PPA1: variants seen among roughly 807,000 people sequenced by gnomAD.
PPA1 encodes the protein inorganic pyrophosphatase.
Under a neutral mutation model 41.8 loss-of-function variants are expected in PPA1, and 23 were observed. The observed-to-expected ratio is 0.55, with a 90% CI of 0.40 to 0.78. The LOEUF (loss-of-function observed/expected upper bound fraction) is 0.78, where lower values mean the gene tolerates loss of function less well. PPA1 is among the 30% of genes least tolerant of loss of function. PPA1 has a pLI of 0.00. For missense variants in PPA1, 320 were observed against 361.6 expected, an observed-to-expected ratio of 0.89 and a Z score of 0.93; for synonymous variants, 101 against 116.8, an observed-to-expected ratio of 0.86 and a Z score of 0.87.
chr10:70,208,856 G>A (rs145243999), intron 8 of PPA1, among the ~76,000 whole-genome samples: 2,170 of 148,814 alleles, frequency 0.015, 62 homozygotes, highest in African/African-American at 0.051. Flanking sequence ...ACAGTGGTAC[G>A]ATCACGGCTC....
rs747320991 is a variant in PPA1 at position 70,213,474 on chromosome 10, G to T, written c.500C>A (p.Ala167Asp). The stretch of plus-strand genomic sequence containing the variant: ...TCAAATTTTCTTACCATTATAATTG[G>T]CTGCATCAGGATCATCCACATTAAT... Reference protein sequence around the residue: ...IAINVDDPDAANYNDINDVKR... With the variant: ...IAINVDDPDADNYNDINDVKR... Residue 167 changes from alanine (A) to aspartate (D), a missense_variant, in exon 6 of 11, where the codon GCC becomes GAC. Physicochemically the swap from Ala to Asp is moderately radical, Grantham distance 126 (BLOSUM62 -2). Coordinates refer to ENST00000373232, the MANE Select transcript of PPA1 (RefSeq NM_021129.4). 1 of 1,613,718 alleles carries T rather than the reference G, an allele frequency of 6.2e-7. No individual in the cohort carries two copies. Among genetic ancestry groups the T allele is most frequent in the Admixed American group, 1.7e-5 (1 of 60,000 alleles).
At chr10:70,223,091 G>A (rs771370163) in intron 2 of PPA1, among the ~76,000 whole-genome samples, 23 of 152,220 alleles carry the variant, frequency 1.5e-4, no homozygotes, top group Middle Eastern at 6.8e-3. Flanking sequence ...TCAGCCAGGC[G>A]TGGCGACTAA....
At chr10:70,203,250 T>C in intron 10 of PPA1, 64 bp from the exon 11 acceptor site, 1 of 1,363,690 alleles carries the variant, frequency 7.3e-7, no homozygotes. Flanking sequence ...ACACCTAACA[T>C]ATAACAAAGA....
At chr10:70,220,667 AT>A (rs1243069237) in intron 2 of PPA1, among the ~76,000 whole-genome samples, 2 of 4,578 alleles carry the variant, frequency 4.4e-4, no homozygotes, top group Non-Finnish European at 6.1e-4. Context: ...ATTATATATA[AT>A]TTATATATAT....
chr10:70,229,914 G>A (rs1840269940), intron 2 of PPA1, among the ~76,000 whole-genome samples: 1 of 151,704 alleles, frequency 6.6e-6, no homozygotes, highest in South Asian at 2.1e-4. Flanking sequence ...TTTAGTCAAT[G>A]GACCTTTTTT....
chr10:70,226,040 T>G (rs1445927049), intron 2 of PPA1, among the ~76,000 whole-genome samples: 1 of 152,172 alleles, frequency 6.6e-6, no homozygotes, highest in African/African-American at 2.4e-5. Flanking sequence ...AAGACATGAC[T>G]TACACCAACC....
chr10:70,218,441 T>A (rs892507420), intron 3 of PPA1: 1 of 243,658 alleles, frequency 4.1e-6, no homozygotes, highest in African/African-American at 2.3e-5. Flanking sequence ...GAAATTCCAA[T>A]GAGAGTATCT....
intron 4 of PPA1, among the ~76,000 whole-genome samples, chr10:70,217,132 C>T (rs954548592): frequency 3.3e-5 from 5 of 150,440 alleles, no homozygotes; most frequent in African/African-American, 1.2e-4. Context: ...CACTCCAGCC[C>T]GGGTGACAAA....
At chr10:70,233,165 G>A (rs1463730530) in intron 1 of PPA1, 99 bp downstream of exon 1, 1 of 1,318,690 alleles carries the variant, frequency 7.6e-7, no homozygotes, top group Admixed American at 2.9e-5. Flanking sequence ...CCGCGTCGGA[G>A]ACCTGGGGCC....
chr10:70,214,028 C>T lies in PPA1; in HGVS notation c.385-439G>A, dbSNP rs117033389. 9.0e-3 allele frequency among the ~76,000 whole-genome samples: 1,366 copies of T among 152,238 alleles called. 13 individuals carry two copies. The highest frequency in any genetic ancestry group is 0.048 in the East Asian group (247 of 5,184). On this transcript the variant is annotated intron_variant, in intron 5 of 10. Transcript: ENST00000373232. Reference sequence around the variant, plus strand: ...TTTTTAGTTGTTTACTATTTCTCTGCACCTGAGAGAGACATAAAGAAATAA... The same window carrying T: ...TTTTTAGTTGTTTACTATTTCTCTGTACCTGAGAGAGACATAAAGAAATAA...
intron 8 of PPA1, among the ~76,000 whole-genome samples, chr10:70,206,888 AGG>A (rs1589890014): frequency 1.7e-3 from 48 of 27,448 alleles, no homozygotes; most frequent in East Asian, 5.5e-3. Context: ...AGGGGAGGGG[AGG>A]GGAGGGGAGG....
intron 4 of PPA1, among the ~76,000 whole-genome samples, chr10:70,217,598 C>T (rs535438468): frequency 1.3e-4 from 20 of 152,228 alleles, no homozygotes; most frequent in African/African-American, 4.1e-4. Context: ...AAAGAATAAA[C>T]GTTCAAATCT....
rs796297248 is a variant in PPA1 at position 70,220,681 on chromosome 10, A to T, written c.124-1864T>A. On this transcript the variant is annotated intron_variant, in intron 2 of 10. Transcript: ENST00000373232. ...TATTATATATAATTTATATATATAT[A>T]ATATATATAATTTATATATATATAA... is the stretch of plus-strand genomic sequence containing the variant. Among the ~76,000 whole-genome samples, 16 of 2,564 alleles carry T rather than the reference A, an allele frequency of 6.2e-3. 4 individuals carry two copies. The highest frequency in any genetic ancestry group is 0.016 in the African/African-American group (9 of 548). The allele number at this position is 2,564 out of a possible 152,430, so 1.7% of individuals were successfully genotyped here. A position where few individuals can be genotyped will look rare whatever the true frequency, so the allele number is the denominator to read the frequency against.
chr10:70,219,126 C>T (rs184505268), intron 2 of PPA1, among the ~76,000 whole-genome samples: 1 of 152,228 alleles, frequency 6.6e-6, no homozygotes, highest in East Asian at 1.9e-4. Context: ...TGGTCTCAAA[C>T]TCCTGGCCTC....
chr10:70,221,070 A>AT (rs1312105443), intron 2 of PPA1, among the ~76,000 whole-genome samples: 6 of 16,466 alleles, frequency 3.6e-4, no homozygotes, highest in African/African-American at 8.4e-4. Context: ...ATATATATAT[A>AT]TATATATTTT....
At chr10:70,224,923 G>A (rs958287999) in intron 2 of PPA1, among the ~76,000 whole-genome samples, 1 of 149,278 alleles carries the variant, frequency 6.7e-6, no homozygotes, top group Non-Finnish European at 1.5e-5. Context: ...TAGAGACAGG[G>A]TTTCTCCATG....
rs1412438448 is a variant in PPA1 at position 70,218,786 on chromosome 10, C to T, written c.155G>A (p.Arg52His). Residue 52 changes from arginine to histidine, a missense_variant, in exon 3 of 11, where the codon CGC becomes CAC. Coordinates refer to ENST00000373232, the MANE Select transcript of PPA1 (RefSeq NM_021129.4). ...TACCTCCATTTTTGCATTAGACCAGCGTGGTACTTCAACTACCATGTGAAA... is the reference window on the plus strand; with the variant it reads ...TACCTCCATTTTTGCATTAGACCAGTGTGGTACTTCAACTACCATGTGAAA... Reference protein sequence around the residue: ...DVFHMVVEVPRWSNAKMEIAT... With the variant: ...DVFHMVVEVPHWSNAKMEIAT... 3 of 1,612,190 alleles carry T rather than the reference C, an allele frequency of 1.9e-6. No individual in the cohort carries two copies. The highest frequency in any genetic ancestry group is 2.2e-5 in the East Asian group (1 of 44,840).
chr10:70,227,673 AAAG>A (rs1044133846), intron 2 of PPA1, among the ~76,000 whole-genome samples: 1 of 150,310 alleles, frequency 6.7e-6, no homozygotes, highest in Non-Finnish European at 1.5e-5. Flanking sequence ...AAAAAAAAAA[AAAG>A]TCTGATATGG....
chr10:70,222,593 G>C (rs1023569850), intron 2 of PPA1, among the ~76,000 whole-genome samples: 1 of 152,128 alleles, frequency 6.6e-6, no homozygotes, highest in Non-Finnish European at 1.5e-5. Context: ...ATTCTCGCCT[G>C]CTAAATCAGG....
Sources: allele counts gnomAD v4.1 joint callset (sites outside exome capture counted in the v4.1 genomes callset), GRCh38; gene constraint gnomAD v4.1.1; transcripts MANE v1.5; gene names NCBI Gene and HGNC (gene_info 2026-07-23, HGNC 2026-07-21).